The following GALNT13 variants were observed in gnomAD, a reference collection of about 807,000 sequenced individuals.
GALNT13 encodes polypeptide N-acetylgalactosaminyltransferase 13.
A neutral mutation model predicts 64.2 loss-of-function variants in GALNT13; 28 were observed. That is an observed-to-expected ratio of 0.44 (90% confidence interval 0.32 to 0.60). The LOEUF is 0.60. GALNT13 is among the 20% of genes least tolerant of loss of function. GALNT13 has a pLI of 0.05. For synonymous variants in GALNT13, 214 were observed against 224.6 expected, an observed-to-expected ratio of 0.95 and a Z score of 0.42; for missense variants, 577 against 669.8, an observed-to-expected ratio of 0.86 and a Z score of 1.53.
intron 8 of GALNT13, among the ~76,000 whole-genome samples, chr2:154,280,478 C>T (rs1691903309): frequency 6.6e-6 from 1 of 152,284 alleles, no homozygotes. Flanking sequence ...CAATTCTCTA[C>T]ATTTGGGACA....
chr2:153,544,883 T>C, the GALNT13 span, among the ~76,000 whole-genome samples: 1 of 152,140 alleles, frequency 6.6e-6, no homozygotes, highest in African/African-American at 2.4e-5. Flanking sequence ...TTAAGTATGG[T>C]AAAATAAAGC....
chr2:153,226,317 GAAT>G, the GALNT13 span, among the ~76,000 whole-genome samples: 12 of 152,182 alleles, frequency 7.9e-5, no homozygotes, highest in East Asian at 2.1e-3. Flanking sequence ...ATAGAATATT[GAAT>G]AATAACAGAT....
chr2:153,712,148 T>A, the GALNT13 span, among the ~76,000 whole-genome samples: 27 of 152,248 alleles, frequency 1.8e-4, no homozygotes, highest in African/African-American at 6.0e-4. Context: ...CCTGGAAAAA[T>A]TATGGAAACT....
chr2:153,611,511 G>C, the GALNT13 span, among the ~76,000 whole-genome samples: 1 of 151,866 alleles, frequency 6.6e-6, no homozygotes, highest in Non-Finnish European at 1.5e-5. Context: ...TGTGACTACA[G>C]GCACCTGCCA....
chr2:154,136,208 C>T (rs568697673), intron 3 of GALNT13, among the ~76,000 whole-genome samples: 1 of 152,128 alleles, frequency 6.6e-6, no homozygotes, highest in East Asian at 1.9e-4. Flanking sequence ...AAAGTAACAA[C>T]TGAGTAGATC....
intron 3 of GALNT13, among the ~76,000 whole-genome samples, chr2:153,977,281 G>C (rs1205974478): frequency 6.6e-6 from 1 of 152,134 alleles, no homozygotes; most frequent in Non-Finnish European, 1.5e-5. Flanking sequence ...ACTTGTATTA[G>C]TATGTTCTCA....
chr2:153,727,729 C>CT, the GALNT13 span, among the ~76,000 whole-genome samples: 21,855 of 148,572 alleles, frequency 0.15, 2,600 homozygotes, highest in African/African-American at 0.33. Context: ...CACTTTTTTT[C>CT]TTTTTTTTTT....
At chr2:153,478,802 C>A in the GALNT13 span, 1 of 456,198 alleles carries the variant, frequency 2.2e-6, no homozygotes. Context: ...TCGTTCCCGG[C>A]GCTCGCTCGA....
chr2:153,391,400 G>A, the GALNT13 span, among the ~76,000 whole-genome samples: 1 of 151,998 alleles, frequency 6.6e-6, no homozygotes, highest in African/African-American at 2.4e-5. Context: ...CAGATGACAC[G>A]CTAGTAATGA....
intron 4 of GALNT13, among the ~76,000 whole-genome samples, chr2:154,196,146 C>G (rs562637522): frequency 6.6e-6 from 1 of 150,956 alleles, no homozygotes; most frequent in African/African-American, 2.4e-5. Context: ...CATTGAAATA[C>G]AAGATTGTAA....
At chr2:153,840,380 A>G in the GALNT13 span, among the ~76,000 whole-genome samples, 1 of 152,168 alleles carries the variant, frequency 6.6e-6, no homozygotes, top group South Asian at 2.1e-4. Flanking sequence ...GATAGACTTT[A>G]TGAACATACT....
At chr2:153,549,601 G>T in the GALNT13 span, among the ~76,000 whole-genome samples, 1 of 152,130 alleles carries the variant, frequency 6.6e-6, no homozygotes, top group South Asian at 2.1e-4. Flanking sequence ...GGGACCATGG[G>T]GGAGTCTCAG....
At chr2:154,099,428 C>A (rs1312521301) in intron 3 of GALNT13, among the ~76,000 whole-genome samples, 1 of 152,052 alleles carries the variant, frequency 6.6e-6, no homozygotes, top group Non-Finnish European at 1.5e-5. Flanking sequence ...TTACTTAAGT[C>A]CCATCTGTCT....
intron 9 of GALNT13, among the ~76,000 whole-genome samples, chr2:154,394,341 A>C (rs1348969535): frequency 1.3e-5 from 2 of 152,172 alleles, no homozygotes; most frequent in African/African-American, 4.8e-5. Context: ...TCCATAAATA[A>C]AGTTTTATTG....
Position 154,191,379 on chromosome 2 carries a change from A to G in GALNT13, c.312-50651A>G, listed in dbSNP as rs142556025. ...CTTTAGACTAGACAACTACAATTTCAGATGAAAGAAAAGAGCTTGGAAAGC... is the reference window on the plus strand; with the variant it reads ...CTTTAGACTAGACAACTACAATTTCGGATGAAAGAAAAGAGCTTGGAAAGC... On this transcript the variant is annotated intron_variant, in intron 4 of 12. Transcript: ENST00000392825. Among the ~76,000 whole-genome samples, 736 of 152,336 alleles carry G rather than the reference A, an allele frequency of 4.8e-3. 5 individuals are homozygous for G. The highest frequency in any genetic ancestry group is 0.016 in the African/African-American group (679 of 41,586).
At chr2:153,468,049 C>CT in the GALNT13 span, among the ~76,000 whole-genome samples, 1 of 151,648 alleles carries the variant, frequency 6.6e-6, no homozygotes, top group Non-Finnish European at 1.5e-5. Context: ...TTCACTCAAT[C>CT]TTTATTAAGT....
the GALNT13 span, among the ~76,000 whole-genome samples, chr2:153,251,086 A>G: frequency 6.6e-6 from 1 of 152,220 alleles, no homozygotes; most frequent in South Asian, 2.1e-4. Context: ...TTTAGATAGT[A>G]GGTCCTCTAA....
At chr2:153,750,440 G>A in the GALNT13 span, among the ~76,000 whole-genome samples, 1 of 151,782 alleles carries the variant, frequency 6.6e-6, no homozygotes, top group East Asian at 1.9e-4. Context: ...ATTCAGCATT[G>A]AAACTAAGTC....
intron 4 of GALNT13, among the ~76,000 whole-genome samples, chr2:154,171,967 C>T (rs1288316427): frequency 8.8e-6 from 1 of 114,114 alleles, no homozygotes; most frequent in Non-Finnish European, 1.8e-5. Context: ...ATCTTTCTTT[C>T]TCATACACAC....
Sources: allele counts gnomAD v4.1 joint callset (sites outside exome capture counted in the v4.1 genomes callset), GRCh38; gene constraint gnomAD v4.1.1; transcripts MANE v1.5; gene names NCBI Gene and HGNC (gene_info 2026-07-23, HGNC 2026-07-21).